EMID1: variants seen among roughly 807,000 people sequenced by gnomAD.
EMID1 encodes the protein EMI domain-containing protein 1.
A neutral mutation model predicts 60.6 loss-of-function variants in EMID1; 40 were observed. The observed-to-expected ratio is 0.66, with a 90% CI of 0.51 to 0.86. The LOEUF (loss-of-function observed/expected upper bound fraction) is 0.86, where lower values mean the gene tolerates loss of function less well. EMID1 is among the 40% of genes least tolerant of loss of function. EMID1 has a pLI of 0.00. For missense variants in EMID1, 585 were observed against 597.1 expected (o/e 0.98, Z 0.21); for synonymous variants, 242 against 231.0 (o/e 1.05, Z -0.43).
chr22:29,218,281 T>C (rs545833129), intron 3 of EMID1, among the ~76,000 whole-genome samples: 18 of 152,232 alleles, frequency 1.2e-4, no homozygotes, highest in Non-Finnish European at 2.4e-4. Flanking sequence ...CTTGAGTCTC[T>C]GTGAGGCTGG....
In EMID1 at chr22:29,232,340, C is replaced by T; in HGVS notation, c.761C>T (p.Pro254Leu). 6.2e-7 allele frequency: 1 copy of T among 1,608,400 alleles called. No homozygotes were observed. Among genetic ancestry groups the T allele is most frequent in the Non-Finnish European group, 8.5e-7 (1 of 1,178,078 alleles). Reference sequence around the variant, plus strand: ...AGGGGACCTCCTGGGCCACCAGGGCCTCCTGGCCCCCCTGGGCCCCCAGCC... The same window carrying T: ...AGGGGACCTCCTGGGCCACCAGGGCTTCCTGGCCCCCCTGGGCCCCCAGCC... ...GERGPPGPPG[P>L]PGPPGPPAPV... Residue 254 changes from proline (P) to leucine (L), a missense_variant, in exon 8 of 15, where the codon CCT becomes CTT. Coordinates refer to ENST00000334018, the MANE Select transcript of EMID1 (RefSeq NM_133455.4).
chr22:29,212,978 G>C (rs754093158), intron 1 of EMID1, among the ~76,000 whole-genome samples: 2 of 152,248 alleles, frequency 1.3e-5, no homozygotes, highest in Non-Finnish European at 2.9e-5. Flanking sequence ...TGTTCGTGTA[G>C]TAGACGGAGC....
chr22:29,249,333 C>T (rs1221110273), intron 13 of EMID1, among the ~76,000 whole-genome samples: 1 of 151,970 alleles, frequency 6.6e-6, no homozygotes, highest in African/African-American at 2.4e-5. Flanking sequence ...GTGGCGTGAT[C>T]TCAGCTCACT....
chr22:29,224,272 T>C (rs955717983), intron 3 of EMID1, among the ~76,000 whole-genome samples: 5 of 152,168 alleles, frequency 3.3e-5, no homozygotes, highest in Non-Finnish European at 5.9e-5. Context: ...CTTATTTGGG[T>C]CTTGTCTCCT....
intron 12 of EMID1, among the ~76,000 whole-genome samples, chr22:29,241,216 C>T (rs1251616976): frequency 6.6e-6 from 1 of 152,158 alleles, no homozygotes; most frequent in East Asian, 1.9e-4. Flanking sequence ...CCTCTGGAGG[C>T]TTGTGCTTGT....
At chr22:29,225,782 G>A (rs952925424) in intron 4 of EMID1, among the ~76,000 whole-genome samples, 3 of 152,222 alleles carry the variant, frequency 2.0e-5, no homozygotes, top group Non-Finnish European at 4.4e-5. Context: ...TGACACTCCC[G>A]TGAGGAGGGG....
intron 1 of EMID1, among the ~76,000 whole-genome samples, chr22:29,213,227 T>G (rs1163270281): frequency 6.6e-6 from 1 of 152,192 alleles, no homozygotes; most frequent in Non-Finnish European, 1.5e-5. Flanking sequence ...GACCTCGGGC[T>G]TTGTCACAGC....
intron 7 of EMID1, 180 bp from the exon 8 acceptor site, chr22:29,232,076 C>T (rs1027201557): frequency 1.1e-5 from 7 of 647,974 alleles, no homozygotes; most frequent in African/African-American, 3.7e-5. Context: ...TCAGCCTGGA[C>T]GAGGTGGAGA....
chr22:29,249,104 T>C (rs1440364124), intron 13 of EMID1, among the ~76,000 whole-genome samples: 2 of 152,232 alleles, frequency 1.3e-5, no homozygotes, highest in Non-Finnish European at 2.9e-5. Flanking sequence ...CGTGAATGAA[T>C]ATGGACATTC....
At chr22:29,245,228 A>T (rs2041288747) in intron 13 of EMID1, among the ~76,000 whole-genome samples, 1 of 152,066 alleles carries the variant, frequency 6.6e-6, no homozygotes, top group Non-Finnish European at 1.5e-5. Context: ...TATGGACATG[A>T]GCTGAGCTGG....
rs769642074 is a variant in EMID1, at chr22:29,226,492, T to C, written c.406T>C (p.Cys136Arg). Reference sequence around the variant, plus strand: ...CCCAGCTTCCTCCCTCCCCGCAGGTTGTCTCAACTGCAGCAAAGTGTCAGA... The same window carrying C: ...CCCAGCTTCCTCCCTCCCCGCAGGTCGTCTCAACTGCAGCAAAGTGTCAGA... ...MALRPTAFSG[C>R]LNCSKVSELT... The change falls in exon 5 of 15, where the codon TGT becomes CGT. Residue 136 changes from cysteine to arginine, a missense_variant and splice_region_variant. Coordinates refer to ENST00000334018, the MANE Select transcript of EMID1 (RefSeq NM_133455.4). The C allele has an allele frequency of 5.6e-6, 9 of 1,611,546 alleles. No homozygotes were observed. The East Asian group carries it at 1.8e-4, about 32-fold the overall frequency.
At chr22:29,252,045 G>C (rs2041547370) in intron 13 of EMID1, among the ~76,000 whole-genome samples, 1 of 152,204 alleles carries the variant, frequency 6.6e-6, no homozygotes, top group Non-Finnish European at 1.5e-5. Context: ...CTAGCCTCAG[G>C]TGATGCTCCC....
At chr22:29,218,194 C>T (rs183541389) in intron 3 of EMID1, among the ~76,000 whole-genome samples, 17 of 152,364 alleles carry the variant, frequency 1.1e-4, no homozygotes, top group African/African-American at 3.4e-4. Flanking sequence ...CTGGGGATTC[C>T]GTGGCGACCT....
At chr22:29,225,081 C>T in intron 3 of EMID1, 52 bp from the exon 4 acceptor site, 2 of 1,593,654 alleles carry the variant, frequency 1.3e-6, no homozygotes, top group South Asian at 1.1e-5. Context: ...GCAGGGGGGC[C>T]TGAGGAGGCA....
At chr22:29,258,667 C>T (rs982716525) in intron 14 of EMID1, 150 bp from the exon 15 acceptor site, 3 of 1,281,072 alleles carry the variant, frequency 2.3e-6, no homozygotes, top group African/African-American at 3.1e-5. Flanking sequence ...ATCTGCAGAC[C>T]CCCTTTCCCA....
chr22:29,238,671 G>A (rs1299196914), intron 12 of EMID1, among the ~76,000 whole-genome samples: 3 of 142,208 alleles, frequency 2.1e-5, no homozygotes, highest in Admixed American at 6.9e-5. Flanking sequence ...CGCCCGCCTC[G>A]GCCTCCCAAA....
intron 13 of EMID1, among the ~76,000 whole-genome samples, chr22:29,246,462 T>A (rs1354300143): frequency 6.6e-6 from 1 of 151,982 alleles, no homozygotes; most frequent in African/African-American, 2.4e-5. Context: ...GGTGAGAGAC[T>A]GAGCCGGGCA....
intron 4 of EMID1, 29 bp from the exon 5 acceptor site, chr22:29,226,461 C>T: frequency 5.6e-6 from 9 of 1,609,652 alleles, no homozygotes; most frequent in Non-Finnish European, 7.6e-6. Context: ...GACCCTTGGC[C>T]CTGGCCCCAG....
chr22:29,233,543 G>T, intron 9 of EMID1, 71 bp from the exon 10 acceptor site: 1 of 1,605,494 alleles, frequency 6.2e-7, no homozygotes, highest in Non-Finnish European at 8.5e-7. Context: ...TGGCTATCAG[G>T]AGGGAGCTGA....
Sources: gnomAD v4.1 joint callset for allele counts (sites outside exome capture counted in the v4.1 genomes callset) on GRCh38, gnomAD v4.1.1 for gene constraint, MANE v1.5 for transcripts, NCBI Gene and HGNC (gene_info 2026-07-23, HGNC 2026-07-21) for gene names.